MAMLD1: variants seen among roughly 807,000 people sequenced by gnomAD.
The protein encoded by MAMLD1 is mastermind like domain containing 1, also known as mastermind-like domain-containing protein 1.
MAMLD1 carries 14 observed loss-of-function variants against 45.0 expected under a neutral mutation model. The ratio of observed to expected loss-of-function variants is 0.31; its 90% confidence interval spans 0.21 to 0.49. The LOEUF is 0.49. Among genes scored for constraint, MAMLD1 ranks in the 20% least tolerant of loss-of-function variants. The pLI, the probability that MAMLD1 is intolerant of heterozygous loss-of-function variation, is 0.99. For synonymous variants in MAMLD1, 254 were observed against 247.8 expected (o/e 1.02, Z -0.24); for missense variants, 543 against 603.6 (o/e 0.90, Z 1.05).
chrX:150,376,387 C>T (rs1336586676), intron 1 of MAMLD1, among the ~76,000 whole-genome samples: 1 of 110,680 alleles, frequency 9.0e-6, no homozygotes, highest in Non-Finnish European at 1.9e-5. Context: ...GAAAAAAATT[C>T]CTTTAGAGAC....
At chrX:150,434,469 C>G (rs1557404193) in intron 1 of MAMLD1, among the ~76,000 whole-genome samples, 1 of 110,928 alleles carries the variant, frequency 9.0e-6, no homozygotes, top group Admixed American at 9.6e-5. Flanking sequence ...TCTTGTTTCT[C>G]TAGTTACTCT....
chrX:150,368,174 C>T (rs781934527), intron 1 of MAMLD1, among the ~76,000 whole-genome samples: 4 of 111,659 alleles, frequency 3.6e-5, no homozygotes, highest in African/African-American at 1.3e-4. Flanking sequence ...ACAGTCCCAC[C>T]AACAGTGTAA....
At chrX:150,474,349 C>A (rs1380921136) in intron 5 of MAMLD1, among the ~76,000 whole-genome samples, 2 of 112,727 alleles carry the variant, frequency 1.8e-5, no homozygotes, top group African/African-American at 6.5e-5. Flanking sequence ...TTTCCACTGT[C>A]ACCTCTTAAC....
At chrX:150,401,871 T>C (rs1480226525) in intron 1 of MAMLD1, among the ~76,000 whole-genome samples, 2 of 109,916 alleles carry the variant, frequency 1.8e-5, no homozygotes, top group Non-Finnish European at 3.8e-5. Flanking sequence ...TAGCCATATG[T>C]AGAAAGCTGA....
chrX:150,367,490 A>G (rs972861736), intron 1 of MAMLD1, among the ~76,000 whole-genome samples: 9 of 112,447 alleles, frequency 8.0e-5, no homozygotes, highest in Non-Finnish European at 9.4e-5. Flanking sequence ...AACTGGTCTT[A>G]GACAAGTGGC....
At chrX:150,455,777 CTTCTT>C (rs1569564860) in intron 2 of MAMLD1, among the ~76,000 whole-genome samples, 1 of 84,005 alleles carries the variant, frequency 1.2e-5, no homozygotes, top group African/African-American at 3.9e-5. Context: ...TCTTCTTCTT[CTTCTT>C]TTTTTTTTTT....
chrX:150,435,005 G>A (rs1474287777), intron 1 of MAMLD1, among the ~76,000 whole-genome samples: 4 of 111,345 alleles, frequency 3.6e-5, no homozygotes, highest in African/African-American at 1.3e-4. Flanking sequence ...TACTGCCTGT[G>A]GAGAGTTGAA....
chrX:150,367,983 A>T (rs1235599539), intron 1 of MAMLD1, among the ~76,000 whole-genome samples: 10 of 110,983 alleles, frequency 9.0e-5, no homozygotes, highest in Non-Finnish European at 5.7e-5. Flanking sequence ...GGTTGGTTCC[A>T]AGTCTTTGCT....
At chrX:150,477,269 T>G (rs1264786835) in intron 5 of MAMLD1, among the ~76,000 whole-genome samples, 1 of 112,769 alleles carries the variant, frequency 8.9e-6, no homozygotes, top group South Asian at 3.6e-4. Context: ...TGAGATGAGG[T>G]AACAGCGCTT....
intron 1 of MAMLD1, among the ~76,000 whole-genome samples, chrX:150,404,820 C>T (rs1288651731): frequency 8.9e-6 from 1 of 112,192 alleles, no homozygotes; most frequent in Non-Finnish European, 1.9e-5. Flanking sequence ...GACTGAGACC[C>T]ATTCAGGTTG....
chrX:150,440,376 A>G (rs1295017575), intron 1 of MAMLD1, among the ~76,000 whole-genome samples: 2 of 109,320 alleles, frequency 1.8e-5, no homozygotes, highest in African/African-American at 3.3e-5. Context: ...AAGGTAATAC[A>G]ATGAGTTGGG....
At chrX:150,414,330 C>T (rs2034199944) in intron 1 of MAMLD1, among the ~76,000 whole-genome samples, 1 of 111,894 alleles carries the variant, frequency 8.9e-6, no homozygotes, top group Non-Finnish European at 1.9e-5. Flanking sequence ...CACAGAAAAG[C>T]AGGCAAGTGT....
intron 1 of MAMLD1, among the ~76,000 whole-genome samples, chrX:150,398,014 T>C (rs936529397): frequency 1.8e-5 from 2 of 109,367 alleles, no homozygotes; most frequent in Non-Finnish European, 3.8e-5. Flanking sequence ...TACTTTTCCA[T>C]GTATATGTCA....
intron 1 of MAMLD1, among the ~76,000 whole-genome samples, chrX:150,422,189 G>C (rs916384260): frequency 2.7e-5 from 3 of 112,371 alleles, no homozygotes; most frequent in Non-Finnish European, 1.9e-5. Flanking sequence ...CTGGGAGGCT[G>C]CCTTGCAGAT....
intron 1 of MAMLD1, among the ~76,000 whole-genome samples, chrX:150,437,040 T>C (rs1241524654): frequency 9.0e-6 from 1 of 111,225 alleles, no homozygotes; most frequent in Non-Finnish European, 1.9e-5. Context: ...TCTGAGGGGC[T>C]GGTATCAAGT....
chrX:150,512,110 T>A lies in MAMLD1; in HGVS notation c.*151T>A. 1.7e-6 allele frequency: 2 copies of A among 1,153,197 alleles called. No homozygotes were observed. Among genetic ancestry groups the A allele is most frequent in the Non-Finnish European group, 2.3e-6 (2 of 871,472 alleles). On this transcript the variant is annotated 3_prime_UTR_variant, in exon 8 of 8. Transcript: ENST00000370401. ...CTGGGCTTCTTCAGAACAATCTGAG[T>A]CCAGGAATGATCCCACTCACCAGGC...
chrX:150,364,213 C>G (rs2031201901), intron 1 of MAMLD1, among the ~76,000 whole-genome samples: 1 of 112,830 alleles, frequency 8.9e-6, no homozygotes, highest in Non-Finnish European at 1.9e-5. Context: ...GACGACAGAG[C>G]TGGGCGCCCG....
chrX:150,416,981 T>G (rs1391971762), intron 1 of MAMLD1, among the ~76,000 whole-genome samples: 1 of 111,549 alleles, frequency 9.0e-6, no homozygotes, highest in African/African-American at 3.3e-5. Context: ...AATCTTTTCT[T>G]GCCTCACATA....
At chrX:150,373,037 C>T (rs2032106345) in intron 1 of MAMLD1, among the ~76,000 whole-genome samples, 1 of 111,724 alleles carries the variant, frequency 9.0e-6, no homozygotes, top group Non-Finnish European at 1.9e-5. Flanking sequence ...AGCACATTAT[C>T]AAATCGGAGG....
Sources: gnomAD v4.1 joint callset for allele counts (sites outside exome capture counted in the v4.1 genomes callset) on GRCh38, gnomAD v4.1.1 for gene constraint, MANE v1.5 for transcripts, NCBI Gene and HGNC (gene_info 2026-07-23, HGNC 2026-07-21) for gene names.